The following FAM149B1 variants were observed in gnomAD, a reference collection of about 807,000 sequenced individuals.
FAM149B1 encodes the protein primary cilium assembly protein FAM149B1.
In FAM149B1, 56 loss-of-function variants were observed where a neutral mutation model predicts 75.3. That is an observed-to-expected ratio of 0.74 (90% CI 0.60 to 0.93). The LOEUF (loss-of-function observed/expected upper bound fraction) is 0.93, where lower values mean the gene tolerates loss of function less well. Ranked by LOEUF, FAM149B1 falls within the 40% of genes least tolerant of loss-of-function variation. FAM149B1 has a pLI of 0.00. For missense variants in FAM149B1, 639 were observed against 708.4 expected (o/e 0.90, Z 1.11); for synonymous variants, 259 against 256.1 (o/e 1.01, Z -0.11).
chr10:73,237,640 T>C (rs2043850598), intron 12 of FAM149B1, among the ~76,000 whole-genome samples: 1 of 152,210 alleles, frequency 6.6e-6, no homozygotes, highest in Non-Finnish European at 1.5e-5. Context: ...CAGGCTGGTC[T>C]TGAACTTCTG....
chr10:73,192,773 T>G, intron 4 of FAM149B1, 75 bp downstream of exon 4: 1 of 1,320,330 alleles, frequency 7.6e-7, no homozygotes. Flanking sequence ...AAAAAAAGCT[T>G]GTATTCTGAA....
At chr10:73,215,617 TATTTTC>T in intron 7 of FAM149B1, among the ~76,000 whole-genome samples, 1 of 152,194 alleles carries the variant, frequency 6.6e-6, no homozygotes, top group Non-Finnish European at 1.5e-5. Flanking sequence ...ATTGTATTTT[TATTTTC>T]ATTTGTTTCA....
At chr10:73,217,213 C>A (rs960536829) in intron 7 of FAM149B1, among the ~76,000 whole-genome samples, 1 of 152,126 alleles carries the variant, frequency 6.6e-6, no homozygotes, top group Non-Finnish European at 1.5e-5. Flanking sequence ...CAGTTTGATT[C>A]TTTTCAGCTT....
At chr10:73,200,270 T>C in intron 5 of FAM149B1, 1 of 280,102 alleles carries the variant, frequency 3.6e-6, no homozygotes, top group South Asian at 4.8e-5. Context: ...AGGCGGAGGT[T>C]GCAGTGAGCC....
intron 12 of FAM149B1, among the ~76,000 whole-genome samples, chr10:73,237,730 C>T (rs543758721): frequency 3.0e-4 from 45 of 152,150 alleles, no homozygotes; most frequent in Middle Eastern, 3.4e-3. Context: ...CCAAACATTT[C>T]ATTTTTTTTA....
At position 73,187,690 on chromosome 10, in the gene FAM149B1, T is replaced by C. The variant is rs146570461; in HGVS notation, c.283-4866T>C. 3.6e-3 allele frequency among the ~76,000 whole-genome samples: 538 copies of C among 149,306 alleles called. 3 individuals are homozygous for C. Among genetic ancestry groups the C allele is most frequent in the African/African-American group, 0.013 (515 of 40,628 alleles). The stretch of plus-strand genomic sequence containing the variant: ...GTTGCTGTGAGCCGAGATCGCACCA[T>C]TGCACTCCAGCCTGGGCAACAAGAG... On this transcript the variant is annotated intron_variant, in intron 3 of 13. Transcript: ENST00000242505.
At chr10:73,200,990 C>CTA (rs1406748545) in intron 5 of FAM149B1, 6 of 336,616 alleles carry the variant, frequency 1.8e-5, no homozygotes, top group Non-Finnish European at 3.6e-5. Flanking sequence ...GTTCTGATCA[C>CTA]TATTTACTTG....
At chr10:73,227,799 G>A (rs1185512310) in intron 7 of FAM149B1, among the ~76,000 whole-genome samples, 1 of 152,152 alleles carries the variant, frequency 6.6e-6, no homozygotes, top group Non-Finnish European at 1.5e-5. Flanking sequence ...AACTCCAAAG[G>A]TATGTAGGAC....
rs2043983909 is a variant in FAM149B1, at chr10:73,244,287, G to GGAGT, written c.*3269_*3272dup. The GGAGT allele has an allele frequency of 4.9e-6, 1 of 203,222 alleles. No individual in the cohort carries two copies. Among genetic ancestry groups the GGAGT allele is most frequent in the Admixed American group, 5.8e-5 (1 of 17,360 alleles). The allele number at this position is 203,222 out of a possible 1,614,324, so 12.6% of individuals were successfully genotyped here. ...AAGGTGGGAGGATCACTTGAACTCAGGAGTTCAAGACCTGCCTGGGTAACA... is the reference window on the plus strand; with the variant it reads ...AAGGTGGGAGGATCACTTGAACTCAGGAGTGAGTTCAAGACCTGCCTGGGTAACA... On this transcript the variant is annotated 3_prime_UTR_variant, in exon 14 of 14. Coordinates refer to ENST00000242505, the MANE Select transcript of FAM149B1 (RefSeq NM_173348.2).
intron 5 of FAM149B1, among the ~76,000 whole-genome samples, chr10:73,202,689 TTTTGTTTGTTTG>T (rs533683756): frequency 6.7e-6 from 1 of 148,826 alleles, no homozygotes; most frequent in Non-Finnish European, 1.5e-5. Flanking sequence ...CCTTTTTTTG[TTTTGTTTGTTTG>T]TTTGTTTGAG....
At chr10:73,238,302 G>A (rs1589198127) in intron 12 of FAM149B1, among the ~76,000 whole-genome samples, 2 of 152,182 alleles carry the variant, frequency 1.3e-5, no homozygotes, top group Admixed American at 6.5e-5. Context: ...AGCCGAGATC[G>A]TGCCATTGCA....
chr10:73,168,474 C>G, intron 1 of FAM149B1, 88 bp downstream of exon 1: 1 of 1,460,152 alleles, frequency 6.8e-7, no homozygotes, highest in Non-Finnish European at 9.3e-7. Context: ...CCTTTCCTTT[C>G]CCAGGGCTGG....
At chr10:73,185,951 A>G (rs775529052) in intron 3 of FAM149B1, among the ~76,000 whole-genome samples, 2 of 152,200 alleles carry the variant, frequency 1.3e-5, no homozygotes, top group African/African-American at 2.4e-5. Flanking sequence ...AACTCATTCT[A>G]TGAAGCCAGT....
At chr10:73,219,163 T>C (rs2043355405) in intron 7 of FAM149B1, among the ~76,000 whole-genome samples, 1 of 152,126 alleles carries the variant, frequency 6.6e-6, no homozygotes. Context: ...TCATTTACAA[T>C]AGTATCAAGA....
chr10:73,191,322 T>C (rs113729462), intron 3 of FAM149B1, among the ~76,000 whole-genome samples: 22,985 of 145,802 alleles, frequency 0.16, 3,019 homozygotes, highest in African/African-American at 0.34. Context: ...CAGGCATGAG[T>C]CACCCGCCTT....
chr10:73,199,932 TTGA>T (rs2042894468), intron 5 of FAM149B1: 1 of 175,282 alleles, frequency 5.7e-6, no homozygotes, highest in African/African-American at 2.4e-5. Flanking sequence ...GTTGATAACT[TTGA>T]TGATACAAAC....
chr10:73,175,506 A>G (rs1191799600), intron 2 of FAM149B1, among the ~76,000 whole-genome samples: 1 of 152,000 alleles, frequency 6.6e-6, no homozygotes, highest in Non-Finnish European at 1.5e-5. Flanking sequence ...CGTCTCTACT[A>G]AAAATACAAA....
intron 3 of FAM149B1, among the ~76,000 whole-genome samples, chr10:73,191,846 CAA>C (rs1032074030): frequency 2.0e-5 from 3 of 151,894 alleles, no homozygotes; most frequent in African/African-American, 7.3e-5. Flanking sequence ...CTGTATTTTT[CAA>C]AGTGTTTACA....
intron 7 of FAM149B1, among the ~76,000 whole-genome samples, chr10:73,217,131 T>C (rs2043314718): frequency 6.6e-6 from 1 of 152,254 alleles, no homozygotes; most frequent in African/African-American, 2.4e-5. Flanking sequence ...TCATTATGTG[T>C]ATCAATAATT....
Sources: allele counts gnomAD v4.1 joint callset (sites outside exome capture counted in the v4.1 genomes callset), GRCh38; gene constraint gnomAD v4.1.1; transcripts MANE v1.5; gene names NCBI Gene and HGNC (gene_info 2026-07-23, HGNC 2026-07-21).